Variants in EFCAB6 observed in about 807,000 individuals in gnomAD.
EFCAB6 encodes EF-hand calcium binding domain 6, also known as EF-hand calcium-binding domain-containing protein 6.
Under a neutral mutation model 169.8 loss-of-function variants are expected in EFCAB6, and 156 were observed. That is an observed-to-expected ratio of 0.92 (90% confidence interval 0.81 to 1.05). EFCAB6 has a LOEUF of 1.05. EFCAB6 is among the 50% of genes least tolerant of loss of function. The pLI is 0.00. For synonymous variants in EFCAB6, 698 were observed against 676.4 expected, an observed-to-expected ratio of 1.03 and a Z score of -0.50; for missense variants, 1,800 against 1,829.1, an observed-to-expected ratio of 0.98 and a Z score of 0.29.
intron 30 of EFCAB6, among the ~76,000 whole-genome samples, chr22:43,531,447 A>G (rs2047063949): frequency 6.6e-6 from 1 of 152,236 alleles, no homozygotes; most frequent in Non-Finnish European, 1.5e-5. Context: ...AGTGTTAAAA[A>G]AAATTCACAA....
At chr22:43,647,957 A>G (rs562429314) in intron 17 of EFCAB6, among the ~76,000 whole-genome samples, 13 of 152,292 alleles carry the variant, frequency 8.5e-5, no homozygotes, top group Non-Finnish European at 1.9e-4. Flanking sequence ...ACTGTGAAAA[A>G]ATACATTTTT....
rs1343398564 is a variant in EFCAB6 at position 43,537,574 on chromosome 22, T to C, written c.3880-29A>G. On this transcript the variant is annotated intron_variant, in intron 28 of 31. Transcript: ENST00000262726. The surrounding 1 kb of genome is among the most constrained non-coding windows in gnomAD (Gnocchi z 4.3). Reference sequence around the variant, plus strand: ...GCAGGGAAGAAAAGAAAAGGCTCTTTTCACTTAAGATTTAAAACGGAAGTC... The same window carrying C: ...GCAGGGAAGAAAAGAAAAGGCTCTTCTCACTTAAGATTTAAAACGGAAGTC... The C allele has an allele frequency of 1.9e-6, 3 of 1,580,158 alleles. No homozygotes were observed. The East Asian group carries it at 6.8e-5, about 36-fold the overall frequency.
At chr22:43,642,622 T>C (rs1602874787) in intron 17 of EFCAB6, among the ~76,000 whole-genome samples, 1 of 152,142 alleles carries the variant, frequency 6.6e-6, no homozygotes, top group Admixed American at 6.5e-5. Context: ...GGCTAGAAAA[T>C]AATATGAAAT....
intron 8 of EFCAB6, among the ~76,000 whole-genome samples, chr22:43,724,827 CA>C (rs1340076632): frequency 6.6e-6 from 1 of 152,348 alleles, no homozygotes; most frequent in African/African-American, 2.4e-5. Context: ...CCTGCTCCTC[CA>C]AATACTTCCA....
At chr22:43,650,457 A>T (rs1487523482) in intron 17 of EFCAB6, among the ~76,000 whole-genome samples, 1 of 152,062 alleles carries the variant, frequency 6.6e-6, no homozygotes, top group Admixed American at 6.6e-5. Context: ...GCCACATGGA[A>T]CTCTAAGTCC....
chr22:43,694,348 G>C (rs2058501525), intron 10 of EFCAB6, among the ~76,000 whole-genome samples: 1 of 151,924 alleles, frequency 6.6e-6, no homozygotes, highest in African/African-American at 2.4e-5. Context: ...ACTAACTCCA[G>C]GCCTAAATGG....
intron 24 of EFCAB6, 56 bp downstream of exon 24, chr22:43,590,018 T>C: frequency 6.4e-7 from 1 of 1,571,956 alleles, no homozygotes; most frequent in South Asian, 1.2e-5. Context: ...CAAAGGCAAT[T>C]CTCCAGTATG....
chr22:43,703,540 G>A (rs1474280415), intron 10 of EFCAB6, among the ~76,000 whole-genome samples: 1 of 151,702 alleles, frequency 6.6e-6, no homozygotes, highest in Non-Finnish European at 1.5e-5. Flanking sequence ...GATAGACAAG[G>A]AATTCAGAAC....
chr22:43,745,388 G>A (rs184343603), intron 6 of EFCAB6, among the ~76,000 whole-genome samples: 236 of 152,278 alleles, frequency 1.5e-3, no homozygotes, highest in Non-Finnish European at 2.6e-3. Flanking sequence ...AGCATAACCC[G>A]CAGACGAACT....
At chr22:43,579,451 C>T (rs913835335) in intron 25 of EFCAB6, among the ~76,000 whole-genome samples, 6 of 150,492 alleles carry the variant, frequency 4.0e-5, no homozygotes, top group Non-Finnish European at 7.4e-5. Context: ...TACATGCAAG[C>T]ATCATTCCAT....
intron 8 of EFCAB6, among the ~76,000 whole-genome samples, chr22:43,721,458 C>G (rs1328214541): frequency 6.6e-6 from 1 of 152,194 alleles, no homozygotes; most frequent in African/African-American, 2.4e-5. Flanking sequence ...GCAAAAAGAA[C>G]AAAGCTGAAG....
chr22:43,631,179 C>T (rs2054914733), intron 19 of EFCAB6, among the ~76,000 whole-genome samples: 2 of 151,642 alleles, frequency 1.3e-5, no homozygotes, highest in South Asian at 4.2e-4. Flanking sequence ...TCCATTCTGC[C>T]TCTGGATGTG....
At position 43,765,405 on chromosome 22, in the gene EFCAB6, G is replaced by C. The variant is rs199949504; in HGVS notation, c.352-12C>G. On this transcript the variant is annotated splice_polypyrimidine_tract_variant and intron_variant, in intron 4 of 31. Transcript: ENST00000262726. ...GTGCTAAGGGGGATCTACAGTCAAGGGAGAAGAATGACAACATGTTAGAGA... is the reference window on the plus strand; with the variant it reads ...GTGCTAAGGGGGATCTACAGTCAAGCGAGAAGAATGACAACATGTTAGAGA... The C allele has an allele frequency of 1.3e-4, 209 of 1,597,012 alleles. No individual in the cohort carries two copies. The African/African-American group carries it at 2.6e-3, about 20-fold the overall frequency.
In EFCAB6 at chr22:43,530,418, T is replaced by A. The variant is rs986086841; in HGVS notation, c.4383+397A>T. ...GTGTACTGCAGGGGCAGGGCTCACTTTGCAGGCCCCTTGGAAGGTCCAACA... is the reference window on the plus strand; with the variant it reads ...GTGTACTGCAGGGGCAGGGCTCACTATGCAGGCCCCTTGGAAGGTCCAACA... On this transcript the variant is annotated intron_variant, in intron 31 of 31. Coordinates refer to ENST00000262726, the MANE Select transcript of EFCAB6 (RefSeq NM_022785.4). 8 of 730,968 alleles carry A rather than the reference T, an allele frequency of 1.1e-5. No homozygotes were observed. In the African/African-American group the frequency reaches 1.5e-4, roughly 14 times the overall value. 45.3% of individuals were successfully genotyped at this position (730,968 alleles called of 1,614,324 possible).
chr22:43,661,376 C>CTAAA (rs1439179540), intron 17 of EFCAB6, among the ~76,000 whole-genome samples: 6 of 151,896 alleles, frequency 4.0e-5, no homozygotes, highest in Admixed American at 2.6e-4. Flanking sequence ...GATCTTGCCT[C>CTAAA]TAAATAAATA....
At chr22:43,615,754 T>G in intron 21 of EFCAB6, 72 bp downstream of exon 21, 1 of 1,358,102 alleles carries the variant, frequency 7.4e-7, no homozygotes, top group Non-Finnish European at 1.0e-6. Flanking sequence ...TCTGAACAGC[T>G]TCATCATCCC....
intron 8 of EFCAB6, among the ~76,000 whole-genome samples, chr22:43,718,774 C>T (rs2147460116): frequency 6.6e-6 from 1 of 152,228 alleles, no homozygotes; most frequent in Middle Eastern, 3.4e-3. Context: ...AGAGAGGCTC[C>T]ACCTCAAATA....
chr22:43,649,750 A>G (rs2056370571), intron 17 of EFCAB6, among the ~76,000 whole-genome samples: 1 of 152,216 alleles, frequency 6.6e-6, no homozygotes, highest in South Asian at 2.1e-4. Context: ...TGTTTGAAGC[A>G]TAAGAGAGCT....
intron 30 of EFCAB6, among the ~76,000 whole-genome samples, chr22:43,534,306 C>T (rs2047257966): frequency 6.6e-6 from 1 of 152,152 alleles, no homozygotes; most frequent in African/African-American, 2.4e-5. Context: ...GACGTGCTTG[C>T]CTCCCCCTTC....
Sources: gnomAD v4.1 joint callset for allele counts (sites outside exome capture counted in the v4.1 genomes callset) on GRCh38, gnomAD v4.1.1 for gene constraint, Gnocchi (gnomAD v3.1) non-coding constraint, MANE v1.5 for transcripts, NCBI Gene and HGNC (gene_info 2026-07-23, HGNC 2026-07-21) for gene names.